DMD: variants seen among roughly 807,000 people sequenced by gnomAD.
DMD encodes mutant dystrophin.
Under a neutral mutation model 330.1 loss-of-function variants are expected in DMD, and 63 were observed. That is an observed-to-expected ratio of 0.19 (90% confidence interval 0.16 to 0.24). The LOEUF (loss-of-function observed/expected upper bound fraction) is 0.24, where lower values mean the gene tolerates loss of function less well. DMD is among the 10% of genes least tolerant of loss of function. The probability of loss-of-function intolerance (pLI) is 1.00; values close to 1 mark genes in which losing one functional copy is unlikely to be tolerated. For missense variants in DMD, 3,344 were observed against 2,684.1 expected, an observed-to-expected ratio of 1.25 and a Z score of -5.43; for synonymous variants, 1,223 against 959.8, an observed-to-expected ratio of 1.27 and a Z score of -5.07.
intron 51 of DMD, among the ~76,000 whole-genome samples, chrX:31,733,984 T>TATGAAATATCTTATGAAATAACTG (rs1397797684): frequency 9.0e-6 from 1 of 111,570 alleles, no homozygotes; most frequent in Non-Finnish European, 1.9e-5. Flanking sequence ...ATAAATATCT[T>TATGAAATATCTTATGAAATAACTG]CCAACTGCAG....
intron 16 of DMD, among the ~76,000 whole-genome samples, chrX:32,548,184 C>T (rs1326222111): frequency 1.8e-5 from 2 of 111,196 alleles, no homozygotes; most frequent in African/African-American, 6.5e-5. Flanking sequence ...CACTATAGGA[C>T]ATTCAGAAAT....
chrX:33,311,720 C>T (rs897762635), intron 1 of DMD, among the ~76,000 whole-genome samples: 1 of 109,752 alleles, frequency 9.1e-6, no homozygotes, highest in Non-Finnish European at 1.9e-5. Flanking sequence ...GCCACCTGCT[C>T]TTATGCGTAG....
intron 43 of DMD, among the ~76,000 whole-genome samples, chrX:32,240,039 T>A (rs1000210636): frequency 1.8e-5 from 2 of 112,084 alleles, no homozygotes; most frequent in African/African-American, 6.5e-5. Context: ...TGTTGGTTTC[T>A]GTCTTCCATC....
chrX:32,590,716 C>A (rs1262265539), intron 13 of DMD, among the ~76,000 whole-genome samples: 1 of 111,430 alleles, frequency 9.0e-6, no homozygotes, highest in African/African-American at 3.3e-5. Flanking sequence ...CCAGTGATTT[C>A]CCAGGGGCTC....
At chrX:31,606,319 G>T (rs1244784178) in intron 55 of DMD, among the ~76,000 whole-genome samples, 1 of 111,783 alleles carries the variant, frequency 8.9e-6, no homozygotes. Flanking sequence ...TAATACAGTA[G>T]CTTTGTTTAA....
At chrX:32,333,366 C>A (rs1390736345) in intron 41 of DMD, among the ~76,000 whole-genome samples, 3 of 111,135 alleles carry the variant, frequency 2.7e-5, no homozygotes, top group African/African-American at 9.8e-5. Context: ...TATCAGTACA[C>A]AATTCTAGGT....
chrX:32,644,098 T>C, intron 11 of DMD, 34 bp downstream of exon 11: 1 of 1,134,136 alleles, frequency 8.8e-7, no homozygotes, highest in Non-Finnish European at 1.2e-6. Flanking sequence ...CAAAACTTGT[T>C]AGTCTTCTTA....
chrX:31,824,941 C>T lies in DMD; in HGVS notation c.7201-4858G>A, dbSNP rs766188171. 3.6e-5 allele frequency among the ~76,000 whole-genome samples: 4 copies of T among 111,356 alleles called. No homozygotes were observed. In the East Asian group the frequency reaches 1.1e-3, roughly 31 times the overall value. The stretch of plus-strand genomic sequence containing the variant: ...AATGCATGATGTAAATATTTACTAG[C>T]ATATCAATAAATGTAACTTTTTTAT... On this transcript the variant is annotated intron_variant, in intron 49 of 78. Coordinates refer to ENST00000357033, the MANE Select transcript of DMD (RefSeq NM_004006.3).
chrX:32,144,600 G>C (rs555706268), intron 44 of DMD, among the ~76,000 whole-genome samples: 46 of 111,919 alleles, frequency 4.1e-4, no homozygotes, highest in African/African-American at 1.5e-3. Context: ...AGACCAAAAA[G>C]AGTACACTGA....
At chrX:31,205,190 G>C (rs1050355045) in intron 66 of DMD, among the ~76,000 whole-genome samples, 1 of 111,633 alleles carries the variant, frequency 9.0e-6, no homozygotes, top group Admixed American at 9.5e-5. Flanking sequence ...TATTCACCTA[G>C]AAGTTGCCCC....
chrX:33,290,530 C>G (rs1419962314), intron 1 of DMD, among the ~76,000 whole-genome samples: 1 of 111,693 alleles, frequency 9.0e-6, no homozygotes, highest in Non-Finnish European at 1.9e-5. Context: ...ATTCATTCAT[C>G]TTTCCTCATT....
At chrX:32,858,672 C>T (rs1441073302) in intron 2 of DMD, among the ~76,000 whole-genome samples, 1 of 111,066 alleles carries the variant, frequency 9.0e-6, no homozygotes, top group Admixed American at 9.6e-5. Context: ...AAATCTCCCC[C>T]ACCCCCGTTC....
At chrX:32,996,287 A>C (rs755878311) in intron 2 of DMD, among the ~76,000 whole-genome samples, 65 of 112,097 alleles carry the variant, frequency 5.8e-4, no homozygotes, top group Non-Finnish European at 3.8e-4. Context: ...AAAAATGTTC[A>C]ATCAAAGGTG....
At chrX:31,756,967 T>C (rs996757219) in intron 51 of DMD, among the ~76,000 whole-genome samples, 1 of 106,275 alleles carries the variant, frequency 9.4e-6, no homozygotes, top group South Asian at 4.3e-4. Flanking sequence ...CTTTTCATAG[T>C]GATCACTTAA....
intron 67 of DMD, among the ~76,000 whole-genome samples, chrX:31,195,400 C>T (rs2042771247): frequency 9.0e-6 from 1 of 111,494 alleles, no homozygotes; most frequent in Admixed American, 9.5e-5. Flanking sequence ...TTTATGCTAC[C>T]GAGTTCTAAT....
At chrX:31,323,704 A>G (rs1325412717) in intron 61 of DMD, 46 bp from the exon 62 acceptor site, 8 of 1,072,468 alleles carry the variant, frequency 7.5e-6, no homozygotes, top group Non-Finnish European at 2.6e-6. Flanking sequence ...GGTCAAATTC[A>G]TCGCAAACAG....
At chrX:32,809,943 A>AAAGAAAG (rs1557048305) in intron 6 of DMD, among the ~76,000 whole-genome samples, 40 of 83,970 alleles carry the variant, frequency 4.8e-4, no homozygotes, top group East Asian at 2.6e-3. Context: ...AAAAAAAAAA[A>AAAGAAAG]AAAGAAAGAA....
chrX:33,070,532 C>T (rs913525819), intron 1 of DMD, among the ~76,000 whole-genome samples: 3 of 108,014 alleles, frequency 2.8e-5, no homozygotes, highest in Non-Finnish European at 5.7e-5. Context: ...ATGTAAAGAA[C>T]ACAAAAGGTA....
chrX:31,290,856 G>C (rs2053636273), intron 62 of DMD, among the ~76,000 whole-genome samples: 1 of 112,093 alleles, frequency 8.9e-6, no homozygotes, highest in South Asian at 3.7e-4. Context: ...AGGCAAGGTA[G>C]GCTATGAACT....
Sources: gnomAD v4.1 joint callset for allele counts (sites outside exome capture counted in the v4.1 genomes callset) on GRCh38, gnomAD v4.1.1 for gene constraint, MANE v1.5 for transcripts, NCBI Gene and HGNC (gene_info 2026-07-23, HGNC 2026-07-21) for gene names.